CATSPERT: variants seen among roughly 807,000 people sequenced by gnomAD.
The protein encoded by CATSPERT is catsper channel auxiliary subunit tau.
chr2:201,533,025 A>G, the CATSPERT span, among the ~76,000 whole-genome samples: 52 of 152,308 alleles, frequency 3.4e-4, 1 homozygote, highest in East Asian at 6.2e-3. Flanking sequence ...TTGCCAGACA[A>G]GGGCACTTCT....
chr2:201,612,174 T>C, the CATSPERT span, among the ~76,000 whole-genome samples: 1 of 152,196 alleles, frequency 6.6e-6, no homozygotes, highest in Admixed American at 6.5e-5. Context: ...ATTGTCTTCA[T>C]TGAACAGTGA....
At chr2:201,599,357 T>C in the CATSPERT span, among the ~76,000 whole-genome samples, 5,361 of 152,158 alleles carry the variant, frequency 0.035, 451 homozygotes, top group East Asian at 0.35. Flanking sequence ...ATATTATTCA[T>C]TGATTTTTTT....
the CATSPERT span, among the ~76,000 whole-genome samples, chr2:201,598,023 C>A: frequency 5.3e-5 from 8 of 152,096 alleles, 1 homozygote; most frequent in African/African-American, 1.9e-4. Context: ...AGAATTTCTA[C>A]AATGGTTAAA....
chr2:201,536,018 T>C, the CATSPERT span: 1 of 1,612,868 alleles, frequency 6.2e-7, no homozygotes, highest in South Asian at 1.1e-5. Context: ...TCCTCAAATT[T>C]ACCTCTGATA....
At chr2:201,492,099 T>C in the CATSPERT span, 2 of 1,526,850 alleles carry the variant, frequency 1.3e-6, no homozygotes, top group African/African-American at 2.8e-5. Flanking sequence ...AATATTTCTT[T>C]TCTTTCTCTC....
At chr2:201,506,020 C>A in the CATSPERT span, among the ~76,000 whole-genome samples, 1 of 152,148 alleles carries the variant, frequency 6.6e-6, no homozygotes, top group East Asian at 1.9e-4. Context: ...GTAATCCGAG[C>A]ACTTTGGGAG....
the CATSPERT span, among the ~76,000 whole-genome samples, chr2:201,522,269 C>G: frequency 1.3e-5 from 2 of 152,092 alleles, no homozygotes; most frequent in African/African-American, 2.4e-5. Flanking sequence ...TGTAAAGACT[C>G]TACCAAAAAC....
the CATSPERT span, among the ~76,000 whole-genome samples, chr2:201,519,941 CT>C: frequency 0.61 from 92,307 of 151,334 alleles, 29,818 homozygotes; most frequent in East Asian, 0.95. Context: ...AATCACTTCA[CT>C]GTCAAACACT....
At chr2:201,601,922 G>A in the CATSPERT span, 3 of 1,464,644 alleles carry the variant, frequency 2.0e-6, no homozygotes, top group Non-Finnish European at 2.8e-6. Flanking sequence ...AAATTTTGTT[G>A]TAATTGAACA....
the CATSPERT span, chr2:201,574,117 A>T: frequency 1.2e-6 from 1 of 860,280 alleles, no homozygotes; most frequent in African/African-American, 1.8e-5. Context: ...TATTTATTTT[A>T]AACAATTGTT....
chr2:201,597,707 T>C, the CATSPERT span, among the ~76,000 whole-genome samples: 4 of 152,334 alleles, frequency 2.6e-5, no homozygotes, highest in Admixed American at 2.6e-4. Flanking sequence ...AGTTCCTTCA[T>C]GTAGTTTTCT....
At chr2:201,585,153 T>C in the CATSPERT span, among the ~76,000 whole-genome samples, 1 of 151,898 alleles carries the variant, frequency 6.6e-6, no homozygotes, top group African/African-American at 2.4e-5. Flanking sequence ...AAACACCGCA[T>C]GTTCTCACTC....
chr2:201,591,574 G>T, the CATSPERT span, among the ~76,000 whole-genome samples: 1 of 152,096 alleles, frequency 6.6e-6, no homozygotes, highest in Non-Finnish European at 1.5e-5. Context: ...ATTACCTTGG[G>T]CAGTATGGCC....
At chr2:201,534,525 T>A in the CATSPERT span, 1 of 982,458 alleles carries the variant, frequency 1.0e-6, no homozygotes, top group East Asian at 1.1e-4. Flanking sequence ...TTATAAAACC[T>A]AAACAAAATC....
chr2:201,495,618 T>C, the CATSPERT span, among the ~76,000 whole-genome samples: 3 of 151,998 alleles, frequency 2.0e-5, no homozygotes, highest in Admixed American at 6.6e-5. Context: ...TTTTAATGGA[T>C]GCAACTTATT....
At chr2:201,608,700 C>G in the CATSPERT span, among the ~76,000 whole-genome samples, 4 of 151,850 alleles carry the variant, frequency 2.6e-5, no homozygotes, top group African/African-American at 7.2e-5. Flanking sequence ...TCCTACAGTC[C>G]TAGCTACTCA....
the CATSPERT span, among the ~76,000 whole-genome samples, chr2:201,533,078 C>T: frequency 6.6e-6 from 1 of 152,138 alleles, no homozygotes; most frequent in African/African-American, 2.4e-5. Flanking sequence ...TGACTCTCAG[C>T]CCAAGGAAAC....
the CATSPERT span, among the ~76,000 whole-genome samples, chr2:201,599,232 C>T: frequency 6.6e-6 from 1 of 152,168 alleles, no homozygotes; most frequent in Non-Finnish European, 1.5e-5. Flanking sequence ...ATCCTGGGTG[C>T]AATTTTAGAA....
the CATSPERT span, among the ~76,000 whole-genome samples, chr2:201,538,693 T>C: frequency 2.0e-5 from 3 of 152,080 alleles, no homozygotes; most frequent in African/African-American, 4.8e-5. Flanking sequence ...TAAGTTCAAT[T>C]GTACATGTGT....
Sources: allele counts gnomAD v4.1 joint callset (sites outside exome capture counted in the v4.1 genomes callset), GRCh38; gene constraint gnomAD v4.1.1; transcripts MANE v1.5; gene names NCBI Gene and HGNC (gene_info 2026-07-23, HGNC 2026-07-21).